STAG2: variants seen among roughly 807,000 people sequenced by gnomAD.
STAG2 encodes cohesin subunit SA-2.
STAG2 carries 14 observed loss-of-function variants against 108.1 expected under a neutral mutation model. That is an observed-to-expected ratio of 0.13 (90% CI 0.09 to 0.20). STAG2 has a LOEUF of 0.20. STAG2 is among the 10% of genes least tolerant of loss of function. STAG2 has a pLI of 1.00. For synonymous variants in STAG2, 307 were observed against 302.7 expected, an observed-to-expected ratio of 1.01 and a Z score of -0.15; for missense variants, 440 against 940.9, an observed-to-expected ratio of 0.47 and a Z score of 6.96.
rs761267764 is a variant in STAG2 at position 124,043,493 on chromosome X, C to CT, written c.462+851dup. Among the ~76,000 whole-genome samples the CT allele has an allele frequency of 2.7e-5, 3 of 111,541 alleles. No individual in the cohort carries two copies. In the South Asian group the frequency reaches 1.1e-3, roughly 42 times the overall value. ...TATCTGTAAAATGGGCCTAATAGTACTTTACTCATAAGGCTGTTACGAAGA... is the reference window on the plus strand; with the variant it reads ...TATCTGTAAAATGGGCCTAATAGTACTTTTACTCATAAGGCTGTTACGAAGA... On this transcript the variant is annotated intron_variant, in intron 7 of 34. Coordinates refer to ENST00000371145, the MANE Select transcript of STAG2 (RefSeq NM_001042750.2).
At chrX:124,053,018 T>C (rs1351316404) in intron 13 of STAG2, among the ~76,000 whole-genome samples, 1 of 111,188 alleles carries the variant, frequency 9.0e-6, no homozygotes, top group Non-Finnish European at 1.9e-5. Flanking sequence ...AGTTTCACCA[T>C]GTTGGCCAGG....
At chrX:124,074,808 A>G (rs1413088815) in intron 25 of STAG2, among the ~76,000 whole-genome samples, 2 of 112,232 alleles carry the variant, frequency 1.8e-5, no homozygotes, top group East Asian at 5.6e-4. Flanking sequence ...GTGGAGAAAA[A>G]TAAAAATCAG....
chrX:123,985,091 A>G (rs945195672), intron 1 of STAG2, among the ~76,000 whole-genome samples: 2 of 112,179 alleles, frequency 1.8e-5, no homozygotes, highest in Admixed American at 1.9e-4. Flanking sequence ...TTACTGTAGA[A>G]TACAAGAAAT....
chrX:124,035,702 T>C (rs1013052195), intron 5 of STAG2, among the ~76,000 whole-genome samples: 1 of 112,095 alleles, frequency 8.9e-6, no homozygotes, highest in African/African-American at 3.2e-5. Flanking sequence ...TGTAGTGATA[T>C]GAAGGCTGGA....
chrX:123,964,909 C>T (rs773530911), intron 1 of STAG2, among the ~76,000 whole-genome samples: 1 of 109,071 alleles, frequency 9.2e-6, no homozygotes, highest in South Asian at 3.9e-4. Flanking sequence ...CCTTGGTCTC[C>T]CTTAATTAGT....
intron 3 of STAG2, among the ~76,000 whole-genome samples, chrX:124,025,268 A>T (rs192645401): frequency 8.9e-6 from 1 of 112,094 alleles, no homozygotes; most frequent in South Asian, 3.6e-4. Flanking sequence ...TTCATAAAGG[A>T]TATTGATCAC....
At position 124,045,195 on chromosome X, in the gene STAG2, G is replaced by A; in HGVS notation, c.494G>A (p.Gly165Asp). ...GGAGATTATCCACTTACCATGGCTG[G>A]TCCTCAGTGGAAGAAGTTCAAATCC... ...DSGDYPLTMA[G>D]PQWKKFKSSF... is the part of the protein sequence containing the mutation. Residue 165 changes from glycine to aspartate, a missense_variant, in exon 8 of 35, where the codon GGT (glycine) becomes GAT (aspartate). By Grantham distance (94) the Gly-to-Asp change is moderately conservative. Coordinates refer to ENST00000371145, the MANE Select transcript of STAG2 (RefSeq NM_001042750.2). 8.3e-7 allele frequency: 1 copy of A among 1,210,809 alleles called. No individual in the cohort carries two copies. The highest frequency in any genetic ancestry group is 1.1e-6 in the Non-Finnish European group (1 of 895,169).
At chrX:124,093,876 T>C in intron 32 of STAG2, 142 bp from the exon 33 acceptor site, 2 of 615,841 alleles carry the variant, frequency 3.2e-6, no homozygotes, top group South Asian at 3.1e-5. Flanking sequence ...ATTGATGACA[T>C]AATCAATGCC....
intron 1 of STAG2, among the ~76,000 whole-genome samples, chrX:123,982,047 A>G (rs1184741514): frequency 9.0e-6 from 1 of 110,842 alleles, no homozygotes. Flanking sequence ...TTCACATTTA[A>G]AAATGCAATG....
intron 1 of STAG2, among the ~76,000 whole-genome samples, chrX:123,994,756 T>C (rs2055649062): frequency 8.9e-6 from 1 of 112,022 alleles, no homozygotes; most frequent in Non-Finnish European, 1.9e-5. Context: ...GTAAGACAAG[T>C]ATATATTTAT....
At chrX:124,087,515 A>G (rs1016113319) in intron 30 of STAG2, among the ~76,000 whole-genome samples, 4 of 111,648 alleles carry the variant, frequency 3.6e-5, no homozygotes, top group African/African-American at 1.3e-4. Flanking sequence ...CTTCACTTAC[A>G]TATCTGATGC....
intron 5 of STAG2, among the ~76,000 whole-genome samples, chrX:124,031,951 A>T: frequency 9.2e-6 from 1 of 109,265 alleles, no homozygotes; most frequent in Admixed American, 9.8e-5. Flanking sequence ...GCTGGTCTCA[A>T]ACTCCTGACC....
At chrX:123,997,137 T>C (rs1311168346) in intron 1 of STAG2, among the ~76,000 whole-genome samples, 1 of 112,171 alleles carries the variant, frequency 8.9e-6, no homozygotes, top group Non-Finnish European at 1.9e-5. Flanking sequence ...CGTAGCTTTA[T>C]AGAAAGCCTT....
chrX:123,971,155 C>T (rs1420225548), intron 1 of STAG2, among the ~76,000 whole-genome samples: 1 of 112,153 alleles, frequency 8.9e-6, no homozygotes, highest in East Asian at 2.8e-4. Context: ...AGAGGCTGGG[C>T]GCGGTGGCTC....
At chrX:124,054,046 A>G (rs2058118458) in intron 13 of STAG2, among the ~76,000 whole-genome samples, 1 of 112,242 alleles carries the variant, frequency 8.9e-6, no homozygotes, top group South Asian at 3.6e-4. Flanking sequence ...TAATTACACT[A>G]TATTGTTGAG....
chrX:124,080,177 C>G (rs180812106), intron 27 of STAG2, among the ~76,000 whole-genome samples: 2 of 111,171 alleles, frequency 1.8e-5, no homozygotes, highest in Non-Finnish European at 3.8e-5. Context: ...CAGTACATTA[C>G]TCTTAACTAT....
At chrX:124,090,503 T>G in intron 30 of STAG2, 72 bp from the exon 31 acceptor site, 1 of 876,276 alleles carries the variant, frequency 1.1e-6, no homozygotes. Context: ...TTTATTGACC[T>G]GAACAGGTTG....
At chrX:124,064,245 G>A (rs750401479) in intron 20 of STAG2, among the ~76,000 whole-genome samples, 194 bp downstream of exon 20, 7 of 111,245 alleles carry the variant, frequency 6.3e-5, no homozygotes. Flanking sequence ...CTGTGACTCA[G>A]AGAAGGTGAA....
At chrX:123,962,354 C>A (rs893186771) in intron 1 of STAG2, among the ~76,000 whole-genome samples, 2 of 110,900 alleles carry the variant, frequency 1.8e-5, no homozygotes, top group Admixed American at 1.9e-4. Flanking sequence ...TTTTTCCCCC[C>A]GTCGCGAGAA....
Sources: allele counts gnomAD v4.1 joint callset (sites outside exome capture counted in the v4.1 genomes callset), GRCh38; gene constraint gnomAD v4.1.1; transcripts MANE v1.5; gene names NCBI Gene and HGNC (gene_info 2026-07-23, HGNC 2026-07-21).